The following SLC16A7 variants were observed in gnomAD, a reference collection of about 807,000 sequenced individuals.
SLC16A7 encodes the protein solute carrier family 16 member 7.
Under a neutral mutation model 34.9 loss-of-function variants are expected in SLC16A7, and 33 were observed. That is an observed-to-expected ratio of 0.94 (90% CI 0.72 to 1.26). The LOEUF is 1.26. Ranked by LOEUF, SLC16A7 falls within the 50% of genes most tolerant of loss-of-function variation. The pLI, the probability that SLC16A7 is intolerant of heterozygous loss-of-function variation, is 0.00. For missense variants in SLC16A7, 573 were observed against 578.1 expected (o/e 0.99, Z 0.09); for synonymous variants, 201 against 206.6 (o/e 0.97, Z 0.23).
intron 1 of SLC16A7, among the ~76,000 whole-genome samples, chr12:59,606,766 A>T (rs1405424784): frequency 6.6e-6 from 1 of 152,204 alleles, no homozygotes; most frequent in Admixed American, 6.5e-5. Flanking sequence ...AATATGTATA[A>T]GACATCTTTT....
chr12:59,787,647 T>C lies in SLC16A7; in HGVS notation c.*7968T>C, dbSNP rs1205192657. On this transcript the variant is annotated 3_prime_UTR_variant, in exon 6 of 6. Coordinates refer to ENST00000547379, the MANE Select transcript of SLC16A7 (RefSeq NM_001270623.2). The stretch of plus-strand genomic sequence containing the variant: ...CTGCATTCAGTATTTGTTTGCCTAG[T>C]TCATCAAGATATTTACCCTAAAAAC... 1 of 152,192 alleles carries C rather than the reference T, an allele frequency of 6.6e-6. No individual in the cohort carries two copies. The allele number at this position is 152,192 out of a possible 1,614,324, so 9.4% of individuals were successfully genotyped here. A position where few individuals can be genotyped will look rare whatever the true frequency, so the allele number is the denominator to read the frequency against.
intron 3 of SLC16A7, among the ~76,000 whole-genome samples, chr12:59,714,027 A>T (rs1874571346): frequency 1.3e-5 from 2 of 152,228 alleles, no homozygotes; most frequent in African/African-American, 4.8e-5. Context: ...AGAAAATGGA[A>T]ATCGATCTCA....
chr12:59,767,074 T>G (rs1881732330), intron 3 of SLC16A7, among the ~76,000 whole-genome samples: 1 of 151,818 alleles, frequency 6.6e-6, no homozygotes, highest in African/African-American at 2.4e-5. Context: ...GTGTATGTGT[T>G]GCGGAATTTA....
At chr12:59,658,476 A>G (rs771092759) in intron 2 of SLC16A7, among the ~76,000 whole-genome samples, 1 of 152,064 alleles carries the variant, frequency 6.6e-6, no homozygotes, top group African/African-American at 2.4e-5. Context: ...ACAGAAGAGT[A>G]GCAGAGAAAA....
chr12:59,639,813 A>G (rs962243031), intron 1 of SLC16A7, among the ~76,000 whole-genome samples: 9 of 152,152 alleles, frequency 5.9e-5, no homozygotes, highest in African/African-American at 2.2e-4. Flanking sequence ...CTCAATTCTT[A>G]TGCTAATGGC....
intron 3 of SLC16A7, among the ~76,000 whole-genome samples, chr12:59,746,613 T>TAGTA (rs765171658): frequency 1.3e-5 from 2 of 152,230 alleles, no homozygotes; most frequent in East Asian, 1.9e-4. Context: ...ACATCTTTAA[T>TAGTA]AGTACCCCAG....
At chr12:59,754,786 T>C (rs1256045899) in intron 3 of SLC16A7, among the ~76,000 whole-genome samples, 2 of 152,060 alleles carry the variant, frequency 1.3e-5, no homozygotes, top group Admixed American at 6.6e-5. Context: ...ATACCAAAGC[T>C]GGGCAGAGAC....
intron 2 of SLC16A7, chr12:59,664,968 G>A (rs186502202): frequency 5.3e-5 from 8 of 152,124 alleles, no homozygotes; most frequent in Admixed American, 2.6e-4. Flanking sequence ...TATACAAATC[G>A]TATTCGTGTT....
intron 3 of SLC16A7, among the ~76,000 whole-genome samples, chr12:59,740,663 C>G (rs1241883863): frequency 6.6e-6 from 1 of 152,118 alleles, no homozygotes; most frequent in East Asian, 1.9e-4. Context: ...GACAGGGATG[C>G]CCTCTCTCAC....
At chr12:59,754,206 C>G (rs1262269344) in intron 3 of SLC16A7, among the ~76,000 whole-genome samples, 1 of 151,904 alleles carries the variant, frequency 6.6e-6, no homozygotes, top group Non-Finnish European at 1.5e-5. Flanking sequence ...ACTAGAAAAG[C>G]AAGAGCAAAT....
At chr12:59,743,861 G>T (rs1212081150) in intron 3 of SLC16A7, among the ~76,000 whole-genome samples, 3 of 152,136 alleles carry the variant, frequency 2.0e-5, no homozygotes, top group Admixed American at 6.5e-5. Flanking sequence ...TCAGTCACAA[G>T]AACTTAACTT....
At chr12:59,701,311 A>ACCT (rs1872849702) in intron 2 of SLC16A7, among the ~76,000 whole-genome samples, 1 of 151,818 alleles carries the variant, frequency 6.6e-6, no homozygotes, top group Non-Finnish European at 1.5e-5. Context: ...TACTTTACTA[A>ACCT]GTGTTACAGA....
chr12:59,608,538 C>T (rs555034957), intron 1 of SLC16A7, among the ~76,000 whole-genome samples: 13 of 152,144 alleles, frequency 8.5e-5, no homozygotes, highest in South Asian at 4.1e-4. Context: ...CCCTGTAGGC[C>T]GCATTAGCAT....
At chr12:59,753,829 A>G (rs892257073) in intron 3 of SLC16A7, among the ~76,000 whole-genome samples, 1 of 152,172 alleles carries the variant, frequency 6.6e-6, no homozygotes, top group Non-Finnish European at 1.5e-5. Context: ...CACCACACCT[A>G]TTCCAAAATT....
At chr12:59,743,319 A>G (rs1878542094) in intron 3 of SLC16A7, among the ~76,000 whole-genome samples, 1 of 152,236 alleles carries the variant, frequency 6.6e-6, no homozygotes, top group African/African-American at 2.4e-5. Flanking sequence ...AATACTTGTA[A>G]AAGTTATATT....
Position 59,785,796 on chromosome 12 carries a change from T to C in SLC16A7, c.*6117T>C, listed in dbSNP as rs1456571003. 6.6e-6 allele frequency: 1 copy of C among 152,144 alleles called. No homozygotes were observed. The highest frequency in any genetic ancestry group is 1.9e-4 in the East Asian group (1 of 5,194). 9.4% of individuals were successfully genotyped at this position (152,144 alleles called of 1,614,324 possible). ...ATCAAACAGGATTTTTTGTTTCTTT[T>C]TAATTTAAATATGGCAAAATAAGCT... On this transcript the variant is annotated 3_prime_UTR_variant, in exon 6 of 6. Coordinates refer to ENST00000547379, the MANE Select transcript of SLC16A7 (RefSeq NM_001270623.2).
chr12:59,691,762 G>T (rs1871680372), intron 2 of SLC16A7, among the ~76,000 whole-genome samples: 1 of 151,942 alleles, frequency 6.6e-6, no homozygotes. Flanking sequence ...ATAGTTATAT[G>T]ATATTAACAC....
intron 2 of SLC16A7, among the ~76,000 whole-genome samples, chr12:59,699,094 G>A (rs528518331): frequency 1.8e-4 from 27 of 151,316 alleles, no homozygotes; most frequent in African/African-American, 2.4e-4. Context: ...TTTTCTTTAC[G>A]TATTTTTTTA....
At chr12:59,777,889 G>A (rs541718441) in intron 5 of SLC16A7, among the ~76,000 whole-genome samples, 7 of 145,676 alleles carry the variant, frequency 4.8e-5, no homozygotes, top group African/African-American at 1.5e-4. Flanking sequence ...ACCTATGAGT[G>A]AGAATATGCA....
Sources: allele counts gnomAD v4.1 joint callset (sites outside exome capture counted in the v4.1 genomes callset), GRCh38; gene constraint gnomAD v4.1.1; transcripts MANE v1.5; gene names NCBI Gene and HGNC (gene_info 2026-07-23, HGNC 2026-07-21).